The following DYRK1A variants were observed in gnomAD, a reference collection of about 807,000 sequenced individuals.
DYRK1A encodes the protein dual specificity tyrosine-phosphorylation-regulated kinase 1A.
In DYRK1A, 9 loss-of-function variants were observed where a neutral mutation model predicts 79.7. That is an observed-to-expected ratio of 0.11 (90% CI 0.07 to 0.20). The LOEUF is 0.20. Among genes scored for constraint, DYRK1A ranks in the 10% least tolerant of loss-of-function variants. The pLI, the probability that DYRK1A is intolerant of heterozygous loss-of-function variation, is 1.00. For synonymous variants in DYRK1A, 349 were observed against 329.7 expected, an observed-to-expected ratio of 1.06 and a Z score of -0.63; for missense variants, 622 against 956.0, an observed-to-expected ratio of 0.65 and a Z score of 4.61.
At position 37,520,577 on chromosome 21, in the gene DYRK1A, A is replaced by G. The variant is rs1002961000; in HGVS notation, c.*8046A>G. ...TTAGGATAAAAGTCTGTTTGTTTGC[A>G]TTAGACTATACATGATTTGCATTAC... On this transcript the variant is annotated 3_prime_UTR_variant, in exon 12 of 12. Transcript: ENST00000647188. 2 of 152,236 alleles carry G rather than the reference A, an allele frequency of 1.3e-5. No individual in the cohort carries two copies. The highest frequency in any genetic ancestry group is 4.8e-5 in the African/African-American group (2 of 41,460). 9.4% of individuals were successfully genotyped at this position (152,236 alleles called of 1,614,324 possible). A position where few individuals can be genotyped will look rare whatever the true frequency, so the allele number is the denominator to read the frequency against.
intron 6 of DYRK1A, among the ~76,000 whole-genome samples, chr21:37,489,611 T>G (rs1184526750): frequency 6.7e-6 from 1 of 149,562 alleles, no homozygotes; most frequent in Admixed American, 6.7e-5. Context: ...TTTTCAGACA[T>G]TTGTTGTATT....
chr21:37,381,456 G>A (rs192228455), intron 1 of DYRK1A, among the ~76,000 whole-genome samples: 115 of 152,292 alleles, frequency 7.6e-4, no homozygotes, highest in Non-Finnish European at 8.4e-4. Flanking sequence ...TATAATTGTA[G>A]TAGTTTACTG....
chr21:37,506,049 AAATG>A (rs2053585673), intron 10 of DYRK1A, 46 bp from the exon 11 acceptor site: 2 of 1,572,362 alleles, frequency 1.3e-6, no homozygotes, highest in African/African-American at 2.7e-5. Flanking sequence ...AATTTGAACA[AAATG>A]AATTTTAAAC....
chr21:37,475,397 T>C (rs2148562781), intron 3 of DYRK1A, among the ~76,000 whole-genome samples: 1 of 152,328 alleles, frequency 6.6e-6, no homozygotes, highest in African/African-American at 2.4e-5. Context: ...GTAGAGAAAG[T>C]GTCAGATGCT....
At chr21:37,482,704 G>T (rs1044157128) in intron 5 of DYRK1A, among the ~76,000 whole-genome samples, 1 of 152,160 alleles carries the variant, frequency 6.6e-6, no homozygotes, top group Non-Finnish European at 1.5e-5. Context: ...ATAAGCCTGG[G>T]GGTGCTATGG....
At chr21:37,397,807 A>G (rs572535532) in intron 1 of DYRK1A, among the ~76,000 whole-genome samples, 1 of 152,210 alleles carries the variant, frequency 6.6e-6, no homozygotes, top group African/African-American at 2.4e-5. Flanking sequence ...GTGGTATGGG[A>G]TCCAGTACCT....
At chr21:37,382,739 A>G (rs939718692) in intron 1 of DYRK1A, among the ~76,000 whole-genome samples, 2 of 152,336 alleles carry the variant, frequency 1.3e-5, no homozygotes, top group African/African-American at 4.8e-5. Flanking sequence ...CTGAATGAAT[A>G]ACTATTTATT....
At chr21:37,467,894 T>C (rs1814101328) in intron 2 of DYRK1A, among the ~76,000 whole-genome samples, 1 of 151,984 alleles carries the variant, frequency 6.6e-6, no homozygotes, top group Admixed American at 6.6e-5. Context: ...AGAATAAGGA[T>C]TGGAAAAGAA....
intron 9 of DYRK1A, chr21:37,502,226 CG>C (rs944780534): frequency 4.6e-5 from 7 of 152,204 alleles, no homozygotes; most frequent in African/African-American, 1.4e-4. Flanking sequence ...ATGATCAAGT[CG>C]TTTTTTTAAT....
At chr21:37,498,072 ATC>A (rs529083495) in intron 9 of DYRK1A, among the ~76,000 whole-genome samples, 297 of 152,264 alleles carry the variant, frequency 2.0e-3, no homozygotes, top group African/African-American at 6.3e-3. Flanking sequence ...TTCATTGGCT[ATC>A]TCTTTGTGGT....
intron 9 of DYRK1A, among the ~76,000 whole-genome samples, chr21:37,498,341 A>C (rs1041326782): frequency 6.6e-6 from 1 of 152,162 alleles, no homozygotes; most frequent in African/African-American, 2.4e-5. Flanking sequence ...TATCATTCCA[A>C]ATCCTCTTGT....
chr21:37,463,237 C>G (rs1305547200), intron 2 of DYRK1A, among the ~76,000 whole-genome samples: 3 of 55,810 alleles, frequency 5.4e-5, no homozygotes, highest in African/African-American at 2.1e-4. Context: ...TGTGTGTATC[C>G]TGTAGTAACA....
intron 1 of DYRK1A, among the ~76,000 whole-genome samples, chr21:37,392,261 A>G (rs1054028368): frequency 1.1e-4 from 16 of 152,326 alleles, no homozygotes; most frequent in South Asian, 8.3e-4. Context: ...CTCATCTCAG[A>G]TGTCATCTCC....
intron 4 of DYRK1A, among the ~76,000 whole-genome samples, chr21:37,478,519 T>A (rs1228316144): frequency 1.3e-5 from 2 of 152,204 alleles, no homozygotes; most frequent in Non-Finnish European, 2.9e-5. Flanking sequence ...TTGATTTTTT[T>A]AAGGTTGTAT....
intron 2 of DYRK1A, among the ~76,000 whole-genome samples, chr21:37,463,400 C>T (rs925185485): frequency 6.6e-6 from 1 of 152,176 alleles, no homozygotes. Context: ...TTCTGTGGAG[C>T]CAGGCACTGC....
intron 6 of DYRK1A, among the ~76,000 whole-genome samples, chr21:37,489,146 A>T (rs997964472): frequency 6.6e-6 from 1 of 152,178 alleles, no homozygotes; most frequent in Non-Finnish European, 1.5e-5. Flanking sequence ...CACAGTTCTT[A>T]GTGATCAGAC....
At chr21:37,510,196 A>G (rs564758695) in intron 11 of DYRK1A, among the ~76,000 whole-genome samples, 9 of 152,316 alleles carry the variant, frequency 5.9e-5, no homozygotes, top group South Asian at 2.1e-4. Flanking sequence ...GACTGTTTCA[A>G]AGGGTAATGT....
At chr21:37,439,967 A>G (rs2051042917) in intron 2 of DYRK1A, among the ~76,000 whole-genome samples, 1 of 151,870 alleles carries the variant, frequency 6.6e-6, no homozygotes, top group Non-Finnish European at 1.5e-5. Flanking sequence ...GATGGTCTTT[A>G]TTTTGATTGT....
chr21:37,457,041 T>TTACTTACTTAC (rs1569339620), intron 2 of DYRK1A, among the ~76,000 whole-genome samples: 556 of 46,902 alleles, frequency 0.012, 12 homozygotes, highest in East Asian at 0.099. Flanking sequence ...TACTTACTTA[T>TTACTTACTTAC]TTATTTATTT....
Sources: gnomAD v4.1 joint callset for allele counts (sites outside exome capture counted in the v4.1 genomes callset) on GRCh38, gnomAD v4.1.1 for gene constraint, MANE v1.5 for transcripts, NCBI Gene and HGNC (gene_info 2026-07-23, HGNC 2026-07-21) for gene names.